The following AHRR variants were observed in gnomAD, a reference collection of about 807,000 sequenced individuals.
AHRR encodes ahR repressor.
AHRR carries 28 observed loss-of-function variants against 44.0 expected under a neutral mutation model. The observed-to-expected ratio is 0.64, with a 90% confidence interval of 0.47 to 0.87. The LOEUF (loss-of-function observed/expected upper bound fraction) is 0.87. Ranked by LOEUF, AHRR falls within the 40% of genes least tolerant of loss-of-function variation. The pLI is 0.00. For synonymous variants in AHRR, 434 were observed against 407.0 expected, an observed-to-expected ratio of 1.07 and a Z score of -0.80; for missense variants, 990 against 953.9, an observed-to-expected ratio of 1.04 and a Z score of -0.50.
At position 433,854 on chromosome 5, in the gene AHRR, G is replaced by A; in HGVS notation, c.1114G>A (p.Asp372Asn). 1 of 1,492,392 alleles carries A rather than the reference G, an allele frequency of 6.7e-7. No homozygotes were observed. 92.4% of individuals were successfully genotyped at this position (1,492,392 alleles called of 1,614,324 possible). The change falls in exon 11 of 11, where the codon GAC becomes AAC. Residue 372 changes from aspartate to asparagine, a missense_variant and splice_region_variant. By Grantham distance (23) the Asp-to-Asn change is conservative. Transcript: ENST00000684583. ...ATGGGCCCCGTCTTTTCTCTGCAGG[G>A]ACAGGGAGGAGGAGCAGCACAGGAT... is the stretch of plus-strand genomic sequence containing the variant. ...LVLDPKGGSGDREEEQHRMLS... is the reference protein window; with the variant it reads ...LVLDPKGGSGNREEEQHRMLS...
At chr5:366,331 G>A (rs879268370) in intron 3 of AHRR, among the ~76,000 whole-genome samples, 2 of 152,146 alleles carry the variant, frequency 1.3e-5, no homozygotes, top group South Asian at 2.1e-4. Flanking sequence ...AGGGGCTCCC[G>A]CTGGCCAAGT....
At chr5:430,483 G>A (rs1433998271) in intron 8 of AHRR, among the ~76,000 whole-genome samples, 1 of 152,260 alleles carries the variant, frequency 6.6e-6, no homozygotes, top group Non-Finnish European at 1.5e-5. Context: ...GAGGACCTTG[G>A]AGGCTCTGGG....
At chr5:389,644 C>T (rs1207734979) in intron 4 of AHRR, among the ~76,000 whole-genome samples, 1 of 151,982 alleles carries the variant, frequency 6.6e-6, no homozygotes, top group African/African-American at 2.4e-5. Flanking sequence ...TTCCCCCAGA[C>T]CAGCGTCAGA....
chr5:373,973 A>G (rs373918364), intron 3 of AHRR, among the ~76,000 whole-genome samples: 8,034 of 149,726 alleles, frequency 0.054, 275 homozygotes, highest in Admixed American at 0.11. Flanking sequence ...CGATGCCGGG[A>G]GGGGCGCGCC....
intron 5 of AHRR, among the ~76,000 whole-genome samples, chr5:415,697 C>CCGAATCTCCCTGGTCTGCTG (rs1560916484): frequency 2.6e-5 from 4 of 151,424 alleles, no homozygotes; most frequent in Non-Finnish European, 2.9e-5. Context: ...GGCCTAGGGG[C>CCGAATCTCCCTGGTCTGCTG]GGAGTCTGCC....
chr5:336,440 C>T (rs1742128283), intron 1 of AHRR, among the ~76,000 whole-genome samples: 1 of 152,202 alleles, frequency 6.6e-6, no homozygotes. Context: ...GCTTGAAATG[C>T]TTCTAGTCAA....
At chr5:432,641 A>G (rs1736784842) in intron 9 of AHRR, 117 bp downstream of exon 9, 1 of 1,511,220 alleles carries the variant, frequency 6.6e-7, no homozygotes, top group Non-Finnish European at 9.2e-7. Flanking sequence ...GCCATTTTGC[A>G]GAGACTTGGT....
At position 404,032 on chromosome 5, in the gene AHRR, A is replaced by G; in HGVS notation, c.352-9312A>G. On this transcript the variant is annotated intron_variant, in intron 4 of 10. Transcript: ENST00000684583. The surrounding 1 kb of genome is among the most constrained non-coding windows in gnomAD (Gnocchi z 4.1). ...GTGTTTTTTCTTAATCCACGGCTGAATCTGTTTAGTCTTTGCATCCAAATC... is the reference window on the plus strand; with the variant it reads ...GTGTTTTTTCTTAATCCACGGCTGAGTCTGTTTAGTCTTTGCATCCAAATC... 1.3e-6 allele frequency: 1 copy of G among 769,316 alleles called. No individual in the cohort carries two copies. Among genetic ancestry groups the G allele is most frequent in the Non-Finnish European group, 2.3e-6 (1 of 435,670 alleles). 47.7% of individuals were successfully genotyped at this position (769,316 alleles called of 1,614,324 possible).
intron 3 of AHRR, among the ~76,000 whole-genome samples, chr5:359,682 C>T (rs1743106423): frequency 6.6e-6 from 1 of 152,160 alleles, no homozygotes; most frequent in Non-Finnish European, 1.5e-5. Context: ...CACCGTGCTC[C>T]ACTGTGGGGC....
chr5:341,053 C>T (rs375163355), intron 1 of AHRR, among the ~76,000 whole-genome samples: 2 of 147,832 alleles, frequency 1.4e-5, no homozygotes, highest in Non-Finnish European at 3.0e-5. Context: ...CTCGCTATGT[C>T]GCCCAGGCTG....
intron 4 of AHRR, among the ~76,000 whole-genome samples, chr5:389,216 G>T (rs1450836087): frequency 6.6e-6 from 1 of 150,502 alleles, no homozygotes; most frequent in Non-Finnish European, 1.5e-5. Flanking sequence ...AGGGAGGGGG[G>T]TGAGCTGGGG....
chr5:345,740 C>G (rs1190286325), intron 2 of AHRR, among the ~76,000 whole-genome samples: 1 of 152,018 alleles, frequency 6.6e-6, no homozygotes, highest in Non-Finnish European at 1.5e-5. Flanking sequence ...CTGGACGTGT[C>G]AAATGCTTGG....
At chr5:428,856 C>T (rs908332731) in intron 8 of AHRR, among the ~76,000 whole-genome samples, 7 of 152,194 alleles carry the variant, frequency 4.6e-5, no homozygotes, top group Admixed American at 3.9e-4. Flanking sequence ...CTCACATGCA[C>T]AGTTCACAAC....
chr5:370,602 G>C lies in AHRR; in HGVS notation c.245-6008G>C, dbSNP rs910721001. Among the ~76,000 whole-genome samples, 1 of 152,180 alleles carries C rather than the reference G, an allele frequency of 6.6e-6. No homozygotes were observed. Among genetic ancestry groups the C allele is most frequent in the Non-Finnish European group, 1.5e-5 (1 of 68,034 alleles). On this transcript the variant is annotated intron_variant, in intron 3 of 10. Transcript: ENST00000684583. This position sits in a 1 kb window ranked among gnomAD's most constrained non-coding sequence, Gnocchi z 4.5. ...GTCCATAGGGGACAGCCCCCAGGAA[G>C]ATGCAGGTGACAGGGGTGGGGTGGA...
chr5:426,587 A>G (rs1446832246), intron 7 of AHRR, among the ~76,000 whole-genome samples: 1 of 150,954 alleles, frequency 6.6e-6, no homozygotes, highest in Non-Finnish European at 1.5e-5. Flanking sequence ...GGGTAGGTGC[A>G]TAGATGGACA....
At chr5:362,909 AAC>A (rs1743230111) in intron 3 of AHRR, among the ~76,000 whole-genome samples, 2 of 152,366 alleles carry the variant, frequency 1.3e-5, no homozygotes, top group African/African-American at 4.8e-5. Flanking sequence ...TGCCCCAGCA[AAC>A]CTCCTTTGTG....
At chr5:403,151 T>C (rs985112533) in intron 4 of AHRR, among the ~76,000 whole-genome samples, 1 of 151,922 alleles carries the variant, frequency 6.6e-6, no homozygotes, top group Non-Finnish European at 1.5e-5. Flanking sequence ...TCAGATGAGG[T>C]CCCCAGTGTA....
intron 7 of AHRR, chr5:427,587 G>C (rs1337832467): frequency 6.2e-7 from 1 of 1,606,000 alleles, no homozygotes; most frequent in Non-Finnish European, 8.5e-7. Context: ...GAGAAACTGG[G>C]AGTGGGGGAT....
At chr5:375,447 C>T (rs182059075) in intron 3 of AHRR, among the ~76,000 whole-genome samples, 4 of 152,150 alleles carry the variant, frequency 2.6e-5, no homozygotes, top group South Asian at 2.1e-4. Flanking sequence ...CTCCCTAACC[C>T]GCGGAAGTGG....
Sources: allele counts gnomAD v4.1 joint callset (sites outside exome capture counted in the v4.1 genomes callset), GRCh38; gene constraint gnomAD v4.1.1; non-coding constraint Gnocchi (gnomAD v3.1); transcripts MANE v1.5; gene names NCBI Gene and HGNC (gene_info 2026-07-23, HGNC 2026-07-21).